PAK4: variants seen among roughly 807,000 people sequenced by gnomAD.
PAK4 encodes serine/threonine-protein kinase PAK 4.
PAK4 carries 49 observed loss-of-function variants against 53.5 expected under a neutral mutation model. The ratio of observed to expected loss-of-function variants is 0.92; its 90% CI spans 0.73 to 1.16. PAK4 has a LOEUF of 1.16. Ranked by LOEUF, PAK4 falls within the 50% of genes most tolerant of loss-of-function variation. The pLI is 0.00. For synonymous variants in PAK4, 376 were observed against 375.6 expected (o/e 1.00, Z -0.01); for missense variants, 824 against 850.7 (o/e 0.97, Z 0.39).
chr19:39,163,093 C>T (rs2074311224), intron 1 of PAK4, among the ~76,000 whole-genome samples: 1 of 152,168 alleles, frequency 6.6e-6, no homozygotes, highest in Non-Finnish European at 1.5e-5. Flanking sequence ...CTCCCAGCGC[C>T]TCCACCATCA....
chr19:39,175,101 C>G lies in PAK4; in HGVS notation c.1232+37C>G. ...GCCTCAGACCCCTCCTGTGACACGA[C>G]CAAGTCCCCTCCAGACCACTAGGGG... On this transcript the variant is annotated intron_variant, in intron 5 of 8. Transcript: ENST00000358301. The surrounding 1 kb of genome is among the most constrained non-coding windows in gnomAD (Gnocchi z 4.7). The G allele has an allele frequency of 6.3e-7, 1 of 1,581,552 alleles. No homozygotes were observed. Among genetic ancestry groups the G allele is most frequent in the Non-Finnish European group, 8.6e-7 (1 of 1,163,304 alleles).
intron 1 of PAK4, among the ~76,000 whole-genome samples, chr19:39,136,113 T>C (rs1456178868): frequency 4.5e-5 from 4 of 88,674 alleles, no homozygotes; most frequent in Non-Finnish European, 8.4e-5. Context: ...TTCCTCATCA[T>C]CCCCCTTCCT....
At chr19:39,151,799 C>T (rs1302891919) in intron 1 of PAK4, among the ~76,000 whole-genome samples, 2 of 152,166 alleles carry the variant, frequency 1.3e-5, no homozygotes, top group African/African-American at 4.8e-5. Flanking sequence ...TTGAGATGGA[C>T]TCTCTGTCAC....
chr19:39,170,808 T>G (rs908044615), intron 2 of PAK4, among the ~76,000 whole-genome samples: 4 of 152,234 alleles, frequency 2.6e-5, no homozygotes, highest in African/African-American at 9.6e-5. Context: ...ATGCTTTGAC[T>G]TCTTTGCCTC....
chr19:39,135,767 G>A (rs917155331), intron 1 of PAK4, among the ~76,000 whole-genome samples: 2 of 151,010 alleles, frequency 1.3e-5, no homozygotes, highest in African/African-American at 2.4e-5. Flanking sequence ...AGAAAGATAA[G>A]CCGGGCTGGA....
intron 1 of PAK4, among the ~76,000 whole-genome samples, chr19:39,146,895 G>GGGGA (rs2145170981): frequency 6.6e-6 from 1 of 151,370 alleles, no homozygotes; most frequent in South Asian, 2.1e-4. Context: ...GAGGGAGAGG[G>GGGGA]GGGAAGGAAG....
At chr19:39,176,829 T>G (rs73551784) in intron 7 of PAK4, 114 bp downstream of exon 8, 19,459 of 1,304,264 alleles carry the variant, frequency 0.015, 756 homozygotes, top group African/African-American at 0.13. Context: ...CCAGGAATGG[T>G]GCTCTGGACA....
intron 1 of PAK4, among the ~76,000 whole-genome samples, chr19:39,167,131 G>A (rs1451865034): frequency 6.6e-6 from 1 of 152,230 alleles, no homozygotes; most frequent in Non-Finnish European, 1.5e-5. Flanking sequence ...CTCAGGGTCT[G>A]CCCCGCTGTC....
intron 1 of PAK4, among the ~76,000 whole-genome samples, chr19:39,141,916 G>A (rs1019265623): frequency 1.3e-5 from 2 of 152,190 alleles, no homozygotes; most frequent in Non-Finnish European, 2.9e-5. Context: ...CGTGAGCCAC[G>A]GCGCCCGGCC....
intron 1 of PAK4, among the ~76,000 whole-genome samples, chr19:39,167,696 G>A (rs1034137573): frequency 1.3e-5 from 2 of 150,430 alleles, no homozygotes; most frequent in Non-Finnish European, 3.0e-5. Flanking sequence ...CCCCTCCCAC[G>A]GGGCTCCCGC....
intron 7 of PAK4, 73 bp downstream of exon 8, chr19:39,176,788 G>A (rs1392551399): frequency 7.7e-6 from 12 of 1,557,070 alleles, no homozygotes; most frequent in South Asian, 2.3e-5. Context: ...CAGCGCTGGC[G>A]GGAGATGGGG....
intron 2 of PAK4, among the ~76,000 whole-genome samples, chr19:39,172,669 T>C (rs897546456): frequency 6.6e-6 from 1 of 152,052 alleles, no homozygotes; most frequent in African/African-American, 2.4e-5. Context: ...GGGGGGCCTC[T>C]CCAGGGTCCC....
chr19:39,150,051 AT>A (rs1286432630), intron 1 of PAK4, among the ~76,000 whole-genome samples: 10 of 152,282 alleles, frequency 6.6e-5, no homozygotes, highest in Non-Finnish European at 1.2e-4. Flanking sequence ...ATGCCACTGA[AT>A]TGTATACTTA....
At chr19:39,141,438 C>G (rs1348075092) in intron 1 of PAK4, among the ~76,000 whole-genome samples, 1 of 150,760 alleles carries the variant, frequency 6.6e-6, no homozygotes, top group Non-Finnish European at 1.5e-5. Flanking sequence ...GCCTCAGCCT[C>G]CCGAGTAGCT....
Position 39,161,711 on chromosome 19 carries a change from G to A in PAK4, c.-22-7821G>A, listed in dbSNP as rs1283104983. ...CCCGGTGGCCCCCAAAGCCCCACAC[G>A]ATCTGCCCCATTACCTCCTTGGCCT... On this transcript the variant is annotated intron_variant, in intron 1 of 8. Transcript: ENST00000358301. The surrounding 1 kb of genome is among the most constrained non-coding windows in gnomAD (Gnocchi z 4.5). Among the ~76,000 whole-genome samples, 1 of 151,730 alleles carries A rather than the reference G, an allele frequency of 6.6e-6. No individual in the cohort carries two copies. The highest frequency in any genetic ancestry group is 2.4e-5 in the African/African-American group (1 of 41,270).
chr19:39,178,635 G>A lies in PAK4; in HGVS notation c.*56G>A. The stretch of plus-strand genomic sequence containing the variant: ...CCCCCCGGGTCACCCCCGCCCCACT[G>A]AGGCCAGTAGGGGGCCAGGCCTCCC... On this transcript the variant is annotated 3_prime_UTR_variant, in exon 9 of 9. Coordinates refer to ENST00000358301, the Ensembl canonical transcript of PAK4. This position sits in a 1 kb window ranked among gnomAD's most constrained non-coding sequence, Gnocchi z 4.4. 1 of 1,467,306 alleles carries A rather than the reference G, an allele frequency of 6.8e-7. No individual in the cohort carries two copies. The highest frequency in any genetic ancestry group is 9.2e-7 in the Non-Finnish European group (1 of 1,088,126). 90.9% of individuals were successfully genotyped at this position (1,467,306 alleles called of 1,614,324 possible). A position where few individuals can be genotyped will look rare whatever the true frequency, so the allele number is the denominator to read the frequency against.
intron 1 of PAK4, among the ~76,000 whole-genome samples, chr19:39,145,104 T>C (rs1473653275): frequency 6.6e-6 from 1 of 152,162 alleles, no homozygotes; most frequent in Non-Finnish European, 1.5e-5. Context: ...TTTCTTTTCA[T>C]TGTTCCTCTT....
chr19:39,126,339 C>T (rs1409153472), intron 1 of PAK4, among the ~76,000 whole-genome samples: 1 of 149,902 alleles, frequency 6.7e-6, no homozygotes, highest in African/African-American at 2.5e-5. Flanking sequence ...TTTAGGGGTT[C>T]AAAGCTGGGG....
chr19:39,139,626 C>T (rs554988097), intron 1 of PAK4, among the ~76,000 whole-genome samples: 1 of 152,172 alleles, frequency 6.6e-6, no homozygotes, highest in Admixed American at 6.5e-5. Context: ...GCCCTCCCCC[C>T]ACTCCATCAG....
Sources: allele counts gnomAD v4.1 joint callset (sites outside exome capture counted in the v4.1 genomes callset), GRCh38; gene constraint gnomAD v4.1.1; non-coding constraint Gnocchi (gnomAD v3.1); transcripts MANE v1.5; gene names NCBI Gene and HGNC (gene_info 2026-07-23, HGNC 2026-07-21).